Variants in SETBP1 observed in about 807,000 individuals in gnomAD.
SETBP1 encodes the protein SET-binding protein.
In SETBP1, 9 loss-of-function variants were observed where a neutral mutation model predicts 101.0. The ratio of observed to expected loss-of-function variants is 0.09; its 90% CI spans 0.05 to 0.16. The LOEUF is 0.16. Among genes scored for constraint, SETBP1 ranks in the 10% least tolerant of loss-of-function variants. SETBP1 has a pLI of 1.00. For synonymous variants in SETBP1, 818 were observed against 788.5 expected, an observed-to-expected ratio of 1.04 and a Z score of -0.63; for missense variants, 1,858 against 2,033.8, an observed-to-expected ratio of 0.91 and a Z score of 1.66.
intron 3 of SETBP1, among the ~76,000 whole-genome samples, chr18:44,930,299 G>A (rs1364687917): frequency 1.3e-5 from 2 of 152,198 alleles, no homozygotes; most frequent in African/African-American, 4.8e-5. Context: ...CTTGATCGTG[G>A]TGGATAAGCT....
At chr18:44,744,795 C>A (rs1419682501) in intron 2 of SETBP1, among the ~76,000 whole-genome samples, 2 of 134,564 alleles carry the variant, frequency 1.5e-5, no homozygotes, top group Admixed American at 7.2e-5. Flanking sequence ...AAAAAAAAAA[C>A]GCTTTCTTCG....
chr18:44,960,106 G>C lies in SETBP1; in HGVS notation c.4000+6766G>C, dbSNP rs141833020. On this transcript the variant is annotated intron_variant, in intron 4 of 5. Coordinates refer to ENST00000649279, the MANE Select transcript of SETBP1 (RefSeq NM_015559.3). ...GAGACAGGGTCTCACCATGTTGGCCGGGCTTGTCTTGAACTCCTGACCTCA... is the reference window on the plus strand; with the variant it reads ...GAGACAGGGTCTCACCATGTTGGCCCGGCTTGTCTTGAACTCCTGACCTCA... Among the ~76,000 whole-genome samples, 965 of 151,880 alleles carry C rather than the reference G, an allele frequency of 6.4e-3. 7 individuals are homozygous for C. The highest frequency in any genetic ancestry group is 0.022 in the African/African-American group (918 of 41,430).
chr18:44,834,873 G>A (rs6507585), intron 2 of SETBP1, among the ~76,000 whole-genome samples: 151,222 of 152,298 alleles, frequency 0.99, 75,087 homozygotes, highest in Middle Eastern at 1. Flanking sequence ...GGAGGGAGAG[G>A]GGAGCCAAGG....
At position 45,020,258 on chromosome 18, in the gene SETBP1, TAAAAAAAAAAAAAAAAAA is replaced by T. The variant is rs57134217; in HGVS notation, c.4001-18207_4001-18190del. 3.6e-3 allele frequency among the ~76,000 whole-genome samples: 189 copies of T among 53,086 alleles called. 4 individuals carry two copies. The highest frequency in any genetic ancestry group is 0.027 in the East Asian group (53 of 1,972). The allele number at this position is 53,086 out of a possible 152,430, so 34.8% of individuals were successfully genotyped here. On this transcript the variant is annotated intron_variant, in intron 4 of 5. Coordinates refer to ENST00000649279, the MANE Select transcript of SETBP1 (RefSeq NM_015559.3). ...CTGGTGACAGAGCAAGACTCTGTCT[TAAAAAAAAAAAAAAAAAA>T]AAAAAAAAAAAAAAAAAAAGTGGCT... is the stretch of plus-strand genomic sequence containing the variant.
At chr18:44,756,125 G>T (rs943142027) in intron 2 of SETBP1, among the ~76,000 whole-genome samples, 2 of 151,950 alleles carry the variant, frequency 1.3e-5, no homozygotes, top group African/African-American at 4.8e-5. Context: ...GGTGAGGAGG[G>T]GGAATCACTT....
chr18:44,932,574 A>G (rs1356277233), intron 3 of SETBP1, among the ~76,000 whole-genome samples: 2 of 152,162 alleles, frequency 1.3e-5, no homozygotes, highest in Non-Finnish European at 2.9e-5. Flanking sequence ...TTTGAGGTAC[A>G]CCAATCAGAT....
intron 4 of SETBP1, among the ~76,000 whole-genome samples, chr18:44,995,914 G>A (rs1368132465): frequency 6.6e-6 from 1 of 152,178 alleles, no homozygotes; most frequent in Non-Finnish European, 1.5e-5. Context: ...CCGTTACAAT[G>A]GGGCTTGTTT....
intron 3 of SETBP1, among the ~76,000 whole-genome samples, chr18:44,899,695 C>T (rs1430248631): frequency 6.6e-6 from 1 of 152,172 alleles, no homozygotes; most frequent in Non-Finnish European, 1.5e-5. Context: ...ATGCATTGAT[C>T]TCCACAAACT....
In SETBP1 at chr18:44,950,218, C is replaced by A; in HGVS notation, c.878C>A (p.Pro293Gln). The A allele has an allele frequency of 1.2e-6, 2 of 1,613,892 alleles. No individual in the cohort carries two copies. The highest frequency in any genetic ancestry group is 1.1e-5 in the South Asian group (1 of 91,080). ...CTCTTGGGAGGTGTGGCTCCATCCC[C>A]AAGCAGCCACAGCTCACCAGCCCCA... is the stretch of plus-strand genomic sequence containing the variant. ...DLLLGGVAPSPSSHSSPAPPS... is the reference protein window; with the variant it reads ...DLLLGGVAPSQSSHSSPAPPS... Residue 293 changes from proline to glutamine, a missense_variant, in exon 4 of 6, where the codon CCA becomes CAA. Pro to Gln is a moderately conservative substitution (Grantham distance 76). This residue lies in a region of SETBP1 where 581 missense variants were observed against 535.1 expected (regional missense o/e 1.09). Coordinates refer to ENST00000649279, the MANE Select transcript of SETBP1 (RefSeq NM_015559.3).
chr18:45,025,504 A>AC (rs552070325), intron 4 of SETBP1, among the ~76,000 whole-genome samples: 2 of 150,178 alleles, frequency 1.3e-5, no homozygotes. Flanking sequence ...AGTTTCTCTG[A>AC]TTTTTTTTTT....
At chr18:44,805,234 A>G (rs1405228230) in intron 2 of SETBP1, among the ~76,000 whole-genome samples, 1 of 152,186 alleles carries the variant, frequency 6.6e-6, no homozygotes, top group Non-Finnish European at 1.5e-5. Context: ...TAAGACTCCA[A>G]GTAATTAAAT....
At chr18:44,875,527 C>CAAAAAAAAAAAAAAAAAAAAAAAAAAAAA in intron 3 of SETBP1, among the ~76,000 whole-genome samples, 1 of 61,610 alleles carries the variant, frequency 1.6e-5, no homozygotes, top group Non-Finnish European at 2.7e-5. Context: ...GACTCCATCT[C>CAAAAAAAAAAAAAAAAAAAAAAAAAAAAA]AAAAAAAAAA....
intron 2 of SETBP1, among the ~76,000 whole-genome samples, chr18:44,785,339 A>G (rs531424263): frequency 6.6e-6 from 1 of 152,278 alleles, no homozygotes; most frequent in East Asian, 1.9e-4. Context: ...CAGAAGTTGC[A>G]TTGCAGGTGT....
chr18:45,015,161 G>A (rs2072915993), intron 4 of SETBP1, among the ~76,000 whole-genome samples: 1 of 152,226 alleles, frequency 6.6e-6, no homozygotes, highest in South Asian at 2.1e-4. Context: ...CCTGGCCAGA[G>A]CAGAAGAGGG....
chr18:44,896,979 G>T (rs960469362), intron 3 of SETBP1, among the ~76,000 whole-genome samples: 2 of 152,164 alleles, frequency 1.3e-5, no homozygotes, highest in African/African-American at 4.8e-5. Flanking sequence ...AACTGCAAGG[G>T]TTGATCGGAA....
chr18:44,813,745 C>T (rs1043089878), intron 2 of SETBP1, among the ~76,000 whole-genome samples: 2 of 152,220 alleles, frequency 1.3e-5, no homozygotes, highest in Admixed American at 6.5e-5. Context: ...TTCTGCAGAA[C>T]GTGCCAAGCA....
In SETBP1 at chr18:44,784,739, C is replaced by A. The variant is rs964631368; in HGVS notation, c.486+82907C>A. The stretch of plus-strand genomic sequence containing the variant: ...TAGTAGGAGGTTAGTGCATGTTGAC[C>A]GAAATAAACATCTTATGAGAAATTT... On this transcript the variant is annotated intron_variant, in intron 2 of 5. Coordinates refer to ENST00000649279, the MANE Select transcript of SETBP1 (RefSeq NM_015559.3). 1.4e-4 allele frequency among the ~76,000 whole-genome samples: 22 copies of A among 152,212 alleles called. 1 individual carries two copies. Among genetic ancestry groups the A allele is most frequent in the East Asian group, 5.8e-4 (3 of 5,184 alleles).
intron 4 of SETBP1, among the ~76,000 whole-genome samples, chr18:44,975,941 A>G (rs967636285): frequency 7.2e-5 from 11 of 152,220 alleles, no homozygotes; most frequent in African/African-American, 2.4e-4. Flanking sequence ...ACCAGAATAC[A>G]GGTCTGCAAG....
At chr18:44,684,406 G>C (rs183452963) in intron 1 of SETBP1, among the ~76,000 whole-genome samples, 1 of 152,026 alleles carries the variant, frequency 6.6e-6, no homozygotes, top group African/African-American at 2.4e-5. Flanking sequence ...CTGAGTTTTC[G>C]TTTTCCCTTT....
Sources: allele counts gnomAD v4.1 joint callset (sites outside exome capture counted in the v4.1 genomes callset), GRCh38; gene constraint gnomAD v4.1.1; regional missense constraint gnomAD v4.1.1; transcripts MANE v1.5; gene names NCBI Gene and HGNC (gene_info 2026-07-23, HGNC 2026-07-21).